The following ZNF678 variants were observed in gnomAD, a reference collection of about 807,000 sequenced individuals.
ZNF678 encodes the protein hypothetical protein MGC42493.
ZNF678 carries 5 observed loss-of-function variants against 3.0 expected under a neutral mutation model. The ratio of observed to expected loss-of-function variants is 1.69; its 90% confidence interval spans 0.88 to 3.56. The LOEUF (loss-of-function observed/expected upper bound fraction) is 3.56. Ranked by LOEUF, ZNF678 falls within the 30% of genes most tolerant of loss-of-function variation. The pLI is 0.00. For synonymous variants in ZNF678, 218 were observed against 199.6 expected, an observed-to-expected ratio of 1.09 and a Z score of -0.78; for missense variants, 593 against 605.0, an observed-to-expected ratio of 0.98 and a Z score of 0.21.
At chr1:227,654,002 A>G (rs181856309) in intron 3 of ZNF678, among the ~76,000 whole-genome samples, 1 of 152,116 alleles carries the variant, frequency 6.6e-6, no homozygotes, top group East Asian at 1.9e-4. Context: ...AGAAGCCAGG[A>G]GTTTGAAGTT....
Position 227,617,170 on chromosome 1 carries a change from A to G in ZNF678, c.-163-29374A>G, listed in dbSNP as rs542880495. On this transcript the variant is annotated intron_variant, in intron 1 of 3. Transcript: ENST00000343776. ...CCTATTAGGCCTTGGTAGAAAATGA[A>G]TGCTTGACCATGTGCCACCAGGTTA... 6.6e-5 allele frequency among the ~76,000 whole-genome samples: 10 copies of G among 152,306 alleles called. No homozygotes were observed. In the South Asian group the frequency reaches 1.5e-3, roughly 22 times the overall value.
At chr1:227,629,797 G>A (rs1463193743) in intron 1 of ZNF678, among the ~76,000 whole-genome samples, 1 of 152,206 alleles carries the variant, frequency 6.6e-6, no homozygotes, top group African/African-American at 2.4e-5. Flanking sequence ...CAAGGGGGTG[G>A]CTTATTTTTA....
At chr1:227,625,733 G>A (rs1242333873) in intron 1 of ZNF678, among the ~76,000 whole-genome samples, 1 of 152,018 alleles carries the variant, frequency 6.6e-6, no homozygotes, top group Non-Finnish European at 1.5e-5. Context: ...TCCTTTGTAG[G>A]GGCTAGGGGT....
At chr1:227,615,837 G>A (rs1323069933) in intron 1 of ZNF678, among the ~76,000 whole-genome samples, 1 of 152,136 alleles carries the variant, frequency 6.6e-6, no homozygotes, top group Non-Finnish European at 1.5e-5. Context: ...TTTACTTTTG[G>A]TAGTCCAGCC....
chr1:227,642,563 A>G (rs1229555954), intron 1 of ZNF678, among the ~76,000 whole-genome samples: 1 of 152,114 alleles, frequency 6.6e-6, no homozygotes, highest in African/African-American at 2.4e-5. Flanking sequence ...TCCCACATGG[A>G]TCCAGGGTCA....
At chr1:227,642,312 G>C (rs1320788752) in intron 1 of ZNF678, among the ~76,000 whole-genome samples, 1 of 152,222 alleles carries the variant, frequency 6.6e-6, no homozygotes, top group East Asian at 1.9e-4. Context: ...TGCTGCAGTT[G>C]TGCGAATAGC....
downstream of ZNF678, among the ~76,000 whole-genome samples, chr1:227,664,538 G>GC (rs530196767): frequency 8.6e-4 from 131 of 152,142 alleles, no homozygotes; most frequent in South Asian, 1.5e-3. Flanking sequence ...CTGCCAAATG[G>GC]CCAGAGGCAT....
chr1:227,633,766 C>T (rs1294865657), intron 1 of ZNF678, among the ~76,000 whole-genome samples: 1 of 152,100 alleles, frequency 6.6e-6, no homozygotes, highest in Non-Finnish European at 1.5e-5. Flanking sequence ...GCTCTGGAAC[C>T]CTAAACAAAT....
intron 1 of ZNF678, among the ~76,000 whole-genome samples, chr1:227,621,014 G>A (rs1340199929): frequency 6.6e-6 from 1 of 152,122 alleles, no homozygotes; most frequent in Non-Finnish European, 1.5e-5. Flanking sequence ...GTATTTGGGA[G>A]GCTGAGGCAG....
chr1:227,637,491 A>C (rs1658708544), intron 1 of ZNF678, among the ~76,000 whole-genome samples: 1 of 152,304 alleles, frequency 6.6e-6, no homozygotes, highest in Middle Eastern at 3.4e-3. Context: ...CTGTGGCTTC[A>C]AGCTGTTTAG....
intron 1 of ZNF678, among the ~76,000 whole-genome samples, chr1:227,594,812 C>T (rs954921828): frequency 2.6e-5 from 4 of 152,158 alleles, no homozygotes; most frequent in African/African-American, 9.7e-5. Context: ...CAAGAGTTTA[C>T]CATATAATAC....
At chr1:227,636,120 T>C (rs1658673172) in intron 1 of ZNF678, among the ~76,000 whole-genome samples, 4 of 152,040 alleles carry the variant, frequency 2.6e-5, no homozygotes, top group Admixed American at 2.0e-4. Context: ...TTATTATCAG[T>C]GGGATAACAC....
chr1:227,612,403 G>A (rs565890535), intron 1 of ZNF678, among the ~76,000 whole-genome samples: 10 of 152,178 alleles, frequency 6.6e-5, no homozygotes, highest in Admixed American at 6.5e-4. Context: ...ATCAGTGGTG[G>A]TCACAAACTG....
chr1:227,590,341 A>G (rs1481811715), intron 1 of ZNF678, among the ~76,000 whole-genome samples: 1 of 151,726 alleles, frequency 6.6e-6, no homozygotes, highest in African/African-American at 2.4e-5. Flanking sequence ...AGCTGCTAGC[A>G]AGTAGTCGAG....
chr1:227,631,723 G>GAAAAAAA (rs1224521469), intron 1 of ZNF678, among the ~76,000 whole-genome samples: 19 of 152,326 alleles, frequency 1.2e-4, no homozygotes, highest in Non-Finnish European at 2.2e-4. Flanking sequence ...AGAATGAGGA[G>GAAAAAAA]AAAAAGATGG....
rs1244917474 is a variant in ZNF678, at chr1:227,675,002, T to G, written c.227-2177T>G. On this transcript the variant is annotated intron_variant, in intron 5 of 5. Coordinates refer to the ZNF678 transcript ENST00000608949. Reference sequence around the variant, plus strand: ...TTGTATTAAGAAAGTATTTTTCTAGTCTTATTTAATAAGAAGTATATGTTG... The same window carrying G: ...TTGTATTAAGAAAGTATTTTTCTAGGCTTATTTAATAAGAAGTATATGTTG... 2.0e-5 allele frequency among the ~76,000 whole-genome samples: 3 copies of G among 152,238 alleles called. No individual in the cohort carries two copies. The South Asian group carries it at 6.2e-4, about 32-fold the overall frequency.
chr1:227,585,577 A>G (rs1398766829), intron 1 of ZNF678, among the ~76,000 whole-genome samples: 2 of 152,208 alleles, frequency 1.3e-5, no homozygotes, highest in South Asian at 2.1e-4. Flanking sequence ...GATCGAGACC[A>G]TACTGGCCAA....
intron 3 of ZNF678, 88 bp from the exon 4 acceptor site, chr1:227,654,248 C>A (rs773320654): frequency 3.6e-5 from 38 of 1,046,462 alleles, no homozygotes; most frequent in Non-Finnish European, 4.7e-5. Context: ...TTGTTAATGT[C>A]TCTGATATAA....
In ZNF678 at chr1:227,589,938, C is replaced by T. The variant is rs556376101; in HGVS notation, c.-164+26214C>T. ...TTATTCCCCCACTTTGAGACTCTCA[C>T]TCATTTTATTAGTGGGAGTTCTCAC... On this transcript the variant is annotated intron_variant, in intron 1 of 3. Transcript: ENST00000343776. Among the ~76,000 whole-genome samples, 113 of 151,884 alleles carry T rather than the reference C, an allele frequency of 7.4e-4. 3 individuals carry two copies. The South Asian group carries it at 0.021, about 28-fold the overall frequency.
Sources: gnomAD v4.1 joint callset for allele counts (sites outside exome capture counted in the v4.1 genomes callset) on GRCh38, gnomAD v4.1.1 for gene constraint, MANE v1.5 for transcripts, NCBI Gene and HGNC (gene_info 2026-07-23, HGNC 2026-07-21) for gene names.